Variants in NRXN3 observed in about 807,000 individuals in gnomAD.
The protein encoded by NRXN3 is neurexin 3.
Under a neutral mutation model 137.6 loss-of-function variants are expected in NRXN3, and 32 were observed. That is an observed-to-expected ratio of 0.23 (90% CI 0.18 to 0.31). The LOEUF is 0.31. NRXN3 is among the 10% of genes least tolerant of loss of function. The pLI is 1.00. For missense variants in NRXN3, 1,574 were observed against 2,062.5 expected (o/e 0.76, Z 4.59); for synonymous variants, 798 against 784.5 (o/e 1.02, Z -0.29).
intron 10 of NRXN3, among the ~76,000 whole-genome samples, chr14:78,940,697 G>A (rs939616721): frequency 6.6e-6 from 1 of 152,194 alleles, no homozygotes; most frequent in Non-Finnish European, 1.5e-5. Flanking sequence ...ATTCAGTTTA[G>A]ATGGGATATT....
At chr14:79,418,860 G>A (rs1286651066) in intron 15 of NRXN3, among the ~76,000 whole-genome samples, 2 of 152,180 alleles carry the variant, frequency 1.3e-5, no homozygotes, top group Non-Finnish European at 2.9e-5. Context: ...CTGCCACAGT[G>A]AGATCAGTTA....
intron 15 of NRXN3, among the ~76,000 whole-genome samples, chr14:79,271,110 C>CA (rs908720012): frequency 7.2e-5 from 11 of 152,156 alleles, no homozygotes; most frequent in Admixed American, 6.5e-4. Context: ...GTGAGTGAGA[C>CA]AGACACTTGA....
intron 19 of NRXN3, among the ~76,000 whole-genome samples, chr14:79,711,339 T>C (rs1460612996): frequency 2.0e-5 from 3 of 152,156 alleles, no homozygotes; most frequent in Non-Finnish European, 4.4e-5. Flanking sequence ...AAGCTCTACG[T>C]CCAGGGGCAA....
intron 6 of NRXN3, among the ~76,000 whole-genome samples, chr14:78,696,655 G>A (rs999243752): frequency 6.6e-6 from 1 of 152,016 alleles, no homozygotes. Context: ...CAAATAGGGT[G>A]GCCATCTATT....
intron 10 of NRXN3, among the ~76,000 whole-genome samples, chr14:78,856,962 A>G (rs1306007303): frequency 2.0e-5 from 3 of 151,924 alleles, no homozygotes; most frequent in African/African-American, 7.3e-5. Context: ...CAAACTCCTC[A>G]CCTCAAGTAA....
intron 15 of NRXN3, among the ~76,000 whole-genome samples, chr14:79,215,898 G>A (rs2068428621): frequency 6.6e-6 from 1 of 152,052 alleles, no homozygotes; most frequent in Non-Finnish European, 1.5e-5. Context: ...GTTTTTTTCT[G>A]GTGTGATTCT....
At chr14:79,316,678 T>G (rs1334221404) in intron 15 of NRXN3, among the ~76,000 whole-genome samples, 1 of 152,056 alleles carries the variant, frequency 6.6e-6, no homozygotes, top group African/African-American at 2.4e-5. Flanking sequence ...ACTCCTCAGG[T>G]AACTCTTGTT....
At chr14:78,931,081 G>A (rs1377810115) in intron 10 of NRXN3, among the ~76,000 whole-genome samples, 6 of 152,172 alleles carry the variant, frequency 3.9e-5, no homozygotes, top group Non-Finnish European at 5.9e-5. Flanking sequence ...GTTGTGGTCA[G>A]GAACCATGTC....
At chr14:79,399,735 G>T (rs899563133) in intron 15 of NRXN3, among the ~76,000 whole-genome samples, 1 of 152,152 alleles carries the variant, frequency 6.6e-6, no homozygotes, top group Non-Finnish European at 1.5e-5. Flanking sequence ...TAATTTGCTA[G>T]GTTTGCCCTG....
chr14:79,377,447 G>C (rs982576810), intron 15 of NRXN3, among the ~76,000 whole-genome samples: 6 of 152,070 alleles, frequency 3.9e-5, no homozygotes, highest in African/African-American at 1.4e-4. Flanking sequence ...CGCTGTTTAG[G>C]ATCCTGTATT....
chr14:79,509,565 G>GTA (rs998051406), intron 16 of NRXN3, among the ~76,000 whole-genome samples: 144 of 150,432 alleles, frequency 9.6e-4, no homozygotes, highest in African/African-American at 3.2e-3. Context: ...GTGCATGTAT[G>GTA]TATATATATA....
chr14:78,676,759 A>G (rs948049869), intron 6 of NRXN3, among the ~76,000 whole-genome samples: 10 of 152,158 alleles, frequency 6.6e-5, no homozygotes, highest in Admixed American at 2.0e-4. Flanking sequence ...CTGGCTTTAG[A>G]GGACAGGCTA....
intron 4 of NRXN3, among the ~76,000 whole-genome samples, chr14:78,356,113 A>C (rs2084268317): frequency 6.6e-6 from 1 of 152,242 alleles, no homozygotes; most frequent in African/African-American, 2.4e-5. Flanking sequence ...AATTGTTGAC[A>C]CAGAAATTCT....
chr14:78,847,546 G>T (rs2099030702), intron 10 of NRXN3, among the ~76,000 whole-genome samples: 1 of 152,072 alleles, frequency 6.6e-6, no homozygotes, highest in African/African-American at 2.4e-5. Context: ...GTGAGAGCAT[G>T]GAGGGGCCAG....
chr14:78,971,073 G>A (rs568579260), intron 14 of NRXN3, among the ~76,000 whole-genome samples: 7 of 152,266 alleles, frequency 4.6e-5, no homozygotes, highest in African/African-American at 1.7e-4. Flanking sequence ...ATAAATTACT[G>A]TCATTGGAAG....
chr14:79,074,240 T>A (rs1299226797), intron 15 of NRXN3, among the ~76,000 whole-genome samples: 1 of 152,214 alleles, frequency 6.6e-6, no homozygotes, highest in African/African-American at 2.4e-5. Flanking sequence ...TTCCTTCTCA[T>A]CTTTAAAATA....
intron 4 of NRXN3, among the ~76,000 whole-genome samples, chr14:78,537,475 A>AT (rs1171161857): frequency 3.9e-5 from 6 of 152,048 alleles, no homozygotes; most frequent in African/African-American, 1.4e-4. Flanking sequence ...TTTCTTGTGA[A>AT]TTTGTTTGAG....
chr14:78,385,872 A>G (rs1033253605), intron 4 of NRXN3, among the ~76,000 whole-genome samples: 2 of 152,152 alleles, frequency 1.3e-5, no homozygotes, highest in South Asian at 2.1e-4. Context: ...CGAGATCCAA[A>G]TGTCAAGACT....
intron 15 of NRXN3, among the ~76,000 whole-genome samples, chr14:79,243,893 A>C (rs1002791415): frequency 6.6e-6 from 1 of 152,154 alleles, no homozygotes; most frequent in East Asian, 1.9e-4. Context: ...TTTCCAAGTG[A>C]CAAAAAAAAT....
Sources: gnomAD v4.1 joint callset for allele counts (sites outside exome capture counted in the v4.1 genomes callset) on GRCh38, gnomAD v4.1.1 for gene constraint, MANE v1.5 for transcripts, NCBI Gene and HGNC (gene_info 2026-07-23, HGNC 2026-07-21) for gene names.